KLHL34: variants seen among roughly 807,000 people sequenced by gnomAD.
KLHL34 encodes the protein kelch like family member 34, also known as kelch-like protein 34.
KLHL34 carries 24 observed loss-of-function variants against 23.8 expected under a neutral mutation model. The ratio of observed to expected loss-of-function variants is 1.01; its 90% CI spans 0.73 to 1.42. KLHL34 has a LOEUF of 1.42. Among genes scored for constraint, KLHL34 ranks in the 40% most tolerant of loss-of-function variants. The probability of loss-of-function intolerance (pLI) is 0.00; values close to 1 mark genes in which losing one functional copy is unlikely to be tolerated. For synonymous variants in KLHL34, 303 were observed against 287.9 expected, an observed-to-expected ratio of 1.05 and a Z score of -0.53; for missense variants, 652 against 595.1, an observed-to-expected ratio of 1.10 and a Z score of -0.99.
chrX:21,655,080 T>TAACCAGAGGATCCTGATTATTATGGCTAA lies in KLHL34; in HGVS notation c.*745_*773dup, dbSNP rs2092729712. On this transcript the variant is annotated 3_prime_UTR_variant, in exon 1 of 1. Coordinates refer to ENST00000379499, the MANE Select transcript of KLHL34 (RefSeq NM_153270.3). ...TTTTGTTTTGGTTAGACATTCCACT[T>TAACCAGAGGATCCTGATTATTATGGCTAA]AACCAGAGGATCCTGATTATTATGG... 1.8e-5 allele frequency: 2 copies of TAACCAGAGGATCCTGATTATTATGGCTAA among 111,746 alleles called. No homozygotes were observed. The highest frequency in any genetic ancestry group is 3.8e-5 in the Non-Finnish European group (2 of 53,238). The allele number at this position is 111,746 out of a possible 1,213,427, so 9.2% of individuals were successfully genotyped here.
Position 21,656,128 on chromosome X carries a change from A to G in KLHL34, c.1661T>C (p.Leu554Ser). 1 of 1,177,745 alleles carries G rather than the reference A, an allele frequency of 8.5e-7. No individual in the cohort carries two copies. The highest frequency in any genetic ancestry group is 1.1e-6 in the Non-Finnish European group (1 of 877,336). The change falls in exon 1 of 1, where the codon TTG becomes TCG. Residue 554 changes from leucine (L) to serine (S), a missense_variant. By Grantham distance (145) the Leu-to-Ser change is moderately radical. Transcript: ENST00000379499. The stretch of plus-strand genomic sequence containing the variant: ...GAAGCGGTCGTAGGGCAGCGGCCGC[A>G]ACCGAGTCCACTGGTCGGCGCCGGG... Reference protein sequence around the residue: ...YDPGADQWTRLRPLPYDRFCY... With the variant: ...YDPGADQWTRSRPLPYDRFCY...
Position 21,657,354 on chromosome X carries a change from G to A in KLHL34, c.435C>T (p.His145=). Residue 145 remains histidine, a synonymous_variant, in exon 1 of 1, where the codon CAC becomes CAT. Coordinates refer to ENST00000379499, the MANE Select transcript of KLHL34 (RefSeq NM_153270.3). ...ANVAARFGLA[H]TLDAAERCIV... The stretch of plus-strand genomic sequence containing the variant: ...TGCAGCGCTCGGCCGCGTCCAGCGT[G>A]TGAGCCAGGCCAAAGCGCGCTGCCA... 1.7e-6 allele frequency: 2 copies of A among 1,162,449 alleles called. No homozygotes were observed. Among genetic ancestry groups the A allele is most frequent in the South Asian group, 1.9e-5 (1 of 52,273 alleles).
At position 21,656,595 on chromosome X, in the gene KLHL34, G is replaced by A. The variant is rs1183284125; in HGVS notation, c.1194C>T (p.Tyr398=). The change falls in exon 1 of 1, where the codon TAC becomes TAT. Residue 398 remains tyrosine (Y), a synonymous_variant. Transcript: ENST00000379499. The stretch of plus-strand genomic sequence containing the variant: ...CCGTCCAAGCGTGGAAGCGCGGGTC[G>A]TAACGGTGCACTTGGGCCGTGACCA... ...SRVVTAQVHR[Y]DPRFHAWTEV... 3 of 1,208,034 alleles carry A rather than the reference G, an allele frequency of 2.5e-6. No individual in the cohort carries two copies. Among genetic ancestry groups the A allele is most frequent in the Non-Finnish European group, 3.4e-6 (3 of 894,111 alleles).
rs1277025691 is a variant in KLHL34, at chrX:21,657,806, G to C, written c.-18C>G. ...TAACTCATTCTACCCAGGGCTGGAA[G>C]CAGCCTGGTGGGACCAGAGGCCTGC... On this transcript the variant is annotated 5_prime_UTR_variant, in exon 1 of 1. Transcript: ENST00000379499. 1.0e-5 allele frequency: 12 copies of C among 1,168,208 alleles called. No homozygotes were observed. The highest frequency in any genetic ancestry group is 1.3e-5 in the Non-Finnish European group (11 of 872,076).
In KLHL34 at chrX:21,657,283, G is replaced by A. The variant is rs1320387818; in HGVS notation, c.506C>T (p.Ala169Val). 3 of 1,152,235 alleles carry A rather than the reference G, an allele frequency of 2.6e-6. No individual in the cohort carries two copies. The highest frequency in any genetic ancestry group is 2.7e-5 in the Admixed American group (1 of 36,659). The allele number at this position is 1,152,235 out of a possible 1,213,427, so 95.0% of individuals were successfully genotyped here. ...QELLARGAGP[A>V]GLLELNPTSL... ...TGTAGGGTTGAGCTCCAGGAGTCCCGCGGGGCCCGCGCCCCGCGCCAGCAG... is the reference window on the plus strand; with the variant it reads ...TGTAGGGTTGAGCTCCAGGAGTCCCACGGGGCCCGCGCCCCGCGCCAGCAG... Residue 169 changes from alanine to valine, a missense_variant, in exon 1 of 1, where the codon GCG becomes GTG. Physicochemically the swap from Ala to Val is moderately conservative, Grantham distance 64. Coordinates refer to ENST00000379499, the MANE Select transcript of KLHL34 (RefSeq NM_153270.3).
At position 21,656,328 on chromosome X, in the gene KLHL34, C is replaced by G. The variant is rs2092732431; in HGVS notation, c.1461G>C (p.Glu487Asp). 8.3e-7 allele frequency: 1 copy of G among 1,197,739 alleles called. No individual in the cohort carries two copies. The highest frequency in any genetic ancestry group is 2.2e-5 in the Admixed American group (1 of 44,907). The change falls in exon 1 of 1, where the codon GAG becomes GAC. Residue 487 changes from glutamate (E) to aspartate (D), a missense_variant. Transcript: ENST00000379499. ...AGTCCCGGAGGCTGCTCGCTCCGCC[C>G]TCGCCTCTCCCTGCCTTGCCCCCCG... ...YISGGKAGRG[E>D]GGASSLRDLY...
In KLHL34 at chrX:21,655,973, CG is replaced by C; in HGVS notation, c.1815del (p.Ile605MetfsTer35). 5 of 1,211,203 alleles carry C rather than the reference CG, an allele frequency of 4.1e-6. No homozygotes were observed. Among genetic ancestry groups the C allele is most frequent in the Non-Finnish European group, 5.6e-6 (5 of 895,281 alleles). On this transcript the variant is annotated frameshift_variant, in exon 1 of 1. Transcript: ENST00000379499. LOFTEE classifies it high-confidence loss of function. ...YDLDLDRWED[I>X]GCALPWAWSG... ...CTCCAGGCCCAGGGCAACGCGCAGC[CG>C]ATGTCCTCCCAACGGTCCAGGTCGA... is the stretch of plus-strand genomic sequence containing the variant.
Position 21,656,784 on chromosome X carries a change from G to C in KLHL34, c.1005C>G (p.Asn335Lys), listed in dbSNP as rs772088780. 5.9e-6 allele frequency: 7 copies of C among 1,195,718 alleles called. No individual in the cohort carries two copies. Among genetic ancestry groups the C allele is most frequent in the Admixed American group, 2.2e-5 (1 of 44,970 alleles). Residue 335 changes from asparagine to lysine, a missense_variant, in exon 1 of 1, where the codon AAC becomes AAG. Coordinates refer to ENST00000379499, the MANE Select transcript of KLHL34 (RefSeq NM_153270.3). Reference sequence around the variant, plus strand: ...GATTGTACACATCGAAGGCCACCACGTTCTGGGTGAGCTCCCACTCCTCCT... The same window carrying C: ...GATTGTACACATCGAAGGCCACCACCTTCTGGGTGAGCTCCCACTCCTCCT... ...EEEEEWELTQNVVAFDVYNHR... is the reference protein window; with the variant it reads ...EEEEEWELTQKVVAFDVYNHR...
rs1249252555 is a variant in KLHL34 at position 21,656,428 on chromosome X, G to A, written c.1361C>T (p.Thr454Met). The A allele has an allele frequency of 1.7e-6, 2 of 1,193,593 alleles. No individual in the cohort carries two copies. Among genetic ancestry groups the A allele is most frequent in the African/African-American group, 1.7e-5 (1 of 57,314 alleles). Residue 454 changes from threonine (T) to methionine (M), a missense_variant, in exon 1 of 1, where the codon ACG becomes ATG. By Grantham distance (81) the Thr-to-Met change is moderately conservative. Transcript: ENST00000379499. The stretch of plus-strand genomic sequence containing the variant: ...AGCCCGCGGTAGTGCCCCAGCCGCC[G>A]TCCAGCGGTCCCGACGCAGGTCGTA... Reference protein sequence around the residue: ...EMYDLRRDRWTAAGALPRALH... With the variant: ...EMYDLRRDRWMAAGALPRALH...
rs761373282 is a variant in KLHL34 at position 21,656,088 on chromosome X, G to C, written c.1701C>G (p.Ala567=). Residue 567 remains alanine, a synonymous_variant, in exon 1 of 1, where the codon GCC becomes GCG. Transcript: ENST00000379499. ...LPYDRFCYGL[A]VVEETALLLG... is the part of the protein sequence containing the mutation. Reference sequence around the variant, plus strand: ...GCAGCAACGCTGTCTCCTCGACCACGGCCAGCCCATAGCAGAAGCGGTCGT... The same window carrying C: ...GCAGCAACGCTGTCTCCTCGACCACCGCCAGCCCATAGCAGAAGCGGTCGT... The C allele has an allele frequency of 9.3e-6, 11 of 1,187,099 alleles. No homozygotes were observed. In the Admixed American group the frequency reaches 2.0e-4, roughly 22 times the overall value.
In KLHL34 at chrX:21,657,501, C is replaced by A. The variant is rs1171701851; in HGVS notation, c.288G>T (p.Met96Ile). 6 of 1,210,348 alleles carry A rather than the reference C, an allele frequency of 5.0e-6. No homozygotes were observed. The highest frequency in any genetic ancestry group is 6.7e-6 in the Non-Finnish European group (6 of 895,202). ...CCTCCAGAGTGTCCTCTACAGTGTCCATGGAAAGCGACAGCCAGGCAGTGT... is the reference window on the plus strand; with the variant it reads ...CCTCCAGAGTGTCCTCTACAGTGTCAATGGAAAGCGACAGCCAGGCAGTGT... Reference protein sequence around the residue: ...FIYTAWLSLSMDTVEDTLEAA... With the variant: ...FIYTAWLSLSIDTVEDTLEAA... The change falls in exon 1 of 1, where the codon ATG (methionine) becomes ATT (isoleucine). Residue 96 changes from methionine to isoleucine, a missense_variant. Physicochemically the swap from Met to Ile is conservative, Grantham distance 10. Coordinates refer to ENST00000379499, the MANE Select transcript of KLHL34 (RefSeq NM_153270.3).
In KLHL34 at chrX:21,656,989, A is replaced by G; in HGVS notation, c.800T>C (p.Leu267Pro). 1 of 1,160,297 alleles carries G rather than the reference A, an allele frequency of 8.6e-7. No individual in the cohort carries two copies. The highest frequency in any genetic ancestry group is 1.2e-6 in the Non-Finnish European group (1 of 869,257). ...GATGCTGGTCTGCTCGCCCTGCATG[A>G]GCGGCTGGCGGGAGGGCGTCGTGTG... ...NYHTTPSRQPLMQGEQTSIRS... is the reference protein window; with the variant it reads ...NYHTTPSRQPPMQGEQTSIRS... The change falls in exon 1 of 1, where the codon CTC becomes CCC. Residue 267 changes from leucine (L) to proline (P), a missense_variant. Physicochemically the swap from Leu to Pro is moderately conservative, Grantham distance 98 (BLOSUM62 -3). Transcript: ENST00000379499.
Position 21,656,538 on chromosome X carries a change from G to A in KLHL34, c.1251C>T (p.His417=), listed in dbSNP as rs773419372. 1 of 1,198,246 alleles carries A rather than the reference G, an allele frequency of 8.3e-7. No homozygotes were observed. The highest frequency in any genetic ancestry group is 1.8e-5 in the South Asian group (1 of 55,340). ...TCTCGCCCACCGCGCCGCACCAGAA[G>A]TGGGCCCGCGCTTCCCGCATGGCGG... is the stretch of plus-strand genomic sequence containing the variant. ...EVPAMREARA[H]FWCGAVGERL... Residue 417 remains histidine (H), a synonymous_variant, in exon 1 of 1, where the codon CAC becomes CAT. Transcript: ENST00000379499.
rs994163201 is a variant in KLHL34, at chrX:21,658,087, C to A, written c.-299G>T. On this transcript the variant is annotated 5_prime_UTR_variant, in exon 1 of 1. Transcript: ENST00000379499. ...GGCTTGGTTTCCACGACTGCCGAGGCTTCCAGCGCGTTGCCCGAAGTCCCC... is the reference window on the plus strand; with the variant it reads ...GGCTTGGTTTCCACGACTGCCGAGGATTCCAGCGCGTTGCCCGAAGTCCCC... The A allele has an allele frequency of 1.6e-5, 4 of 245,083 alleles. No homozygotes were observed. Among genetic ancestry groups the A allele is most frequent in the Non-Finnish European group, 3.1e-5 (4 of 129,970 alleles). 20.2% of individuals were successfully genotyped at this position (245,083 alleles called of 1,213,427 possible).
At position 21,657,066 on chromosome X, in the gene KLHL34, G is replaced by A; in HGVS notation, c.723C>T (p.Gly241=). 1 of 1,194,882 alleles carries A rather than the reference G, an allele frequency of 8.4e-7. No individual in the cohort carries two copies. The highest frequency in any genetic ancestry group is 3.0e-5 in the East Asian group (1 of 33,497). ...DVLRRVYSGS[G]LVLPARVKGL... ...CCTTGACCCGGGCGGGCAGCACGAG[G>A]CCAGAGCCCGAGTACACGCGCCGCA... The change falls in exon 1 of 1, where the codon GGC becomes GGT. Residue 241 remains glycine (G), a synonymous_variant. Transcript: ENST00000379499.
At position 21,655,582 on chromosome X, in the gene KLHL34, C is replaced by G. The variant is rs2092730671; in HGVS notation, c.*272G>C. On this transcript the variant is annotated 3_prime_UTR_variant, in exon 1 of 1. Transcript: ENST00000379499. ...ATATTTTATTTGTGAAAGTCCTTCTCTAGCCTTGCGTGAGCCTTTCTAAAA... is the reference window on the plus strand; with the variant it reads ...ATATTTTATTTGTGAAAGTCCTTCTGTAGCCTTGCGTGAGCCTTTCTAAAA... 4.0e-6 allele frequency: 1 copy of G among 250,208 alleles called. No individual in the cohort carries two copies. Among genetic ancestry groups the G allele is most frequent in the Admixed American group, 6.6e-5 (1 of 15,172 alleles). The allele number at this position is 250,208 out of a possible 1,213,427, so 20.6% of individuals were successfully genotyped here.
Position 21,656,870 on chromosome X carries a change from C to G in KLHL34, c.919G>C (p.Gly307Arg). The change falls in exon 1 of 1, where the codon GGC (glycine) becomes CGC (arginine). Residue 307 changes from glycine (G) to arginine (R), a missense_variant. Gly to Arg is a moderately radical substitution (Grantham distance 125). Transcript: ENST00000379499. ...TCGGGCTCTGGGGCGGCGACCTGGC[C>G]CCTAGCTGCCCTCTGCGGGGCCGCG... ...EVAAPQRAAR[G>R]QVAAPEPEEE... is the part of the protein sequence containing the mutation. 8.5e-7 allele frequency: 1 copy of G among 1,177,705 alleles called. No individual in the cohort carries two copies. Among genetic ancestry groups the G allele is most frequent in the Non-Finnish European group, 1.1e-6 (1 of 878,775 alleles).
rs146507894 is a variant in KLHL34 at position 21,656,897 on chromosome X, C to T, written c.892G>A (p.Val298Ile). The T allele has an allele frequency of 5.5e-5, 64 of 1,168,771 alleles. No homozygotes were observed. The Middle Eastern group carries it at 2.4e-3, about 44-fold the overall frequency. Reference protein sequence around the residue: ...RRAREVVIEEVAAPQRAARGQ... With the variant: ...RRAREVVIEEIAAPQRAARGQ... Reference sequence around the variant, plus strand: ...CTAGCTGCCCTCTGCGGGGCCGCGACCTCCTCAATCACCACCTCCCGTGCC... The same window carrying T: ...CTAGCTGCCCTCTGCGGGGCCGCGATCTCCTCAATCACCACCTCCCGTGCC... The change falls in exon 1 of 1, where the codon GTC becomes ATC. Residue 298 changes from valine to isoleucine, a missense_variant. Physicochemically the swap from Val to Ile is conservative, Grantham distance 29. Coordinates refer to ENST00000379499, the MANE Select transcript of KLHL34 (RefSeq NM_153270.3).
Position 21,656,293 on chromosome X carries a change from A to T in KLHL34, c.1496T>A (p.Leu499Gln). 8.3e-7 allele frequency: 1 copy of T among 1,201,058 alleles called. No individual in the cohort carries two copies. Among genetic ancestry groups the T allele is most frequent in the Non-Finnish European group, 1.1e-6 (1 of 890,326 alleles). Residue 499 changes from leucine to glutamine, a missense_variant, in exon 1 of 1, where the codon CTG becomes CAG. Transcript: ENST00000379499. Reference sequence around the variant, plus strand: ...GCTCCAAACCTGCTCCTCAGGGCCCAGGACGTATAAGTCCCGGAGGCTGCT... The same window carrying T: ...GCTCCAAACCTGCTCCTCAGGGCCCTGGACGTATAAGTCCCGGAGGCTGCT... Reference protein sequence around the residue: ...GASSLRDLYVLGPEEQVWSKK... With the variant: ...GASSLRDLYVQGPEEQVWSKK...
Sources: gnomAD v4.1 joint callset for allele counts on GRCh38, gnomAD v4.1.1 for gene constraint, MANE v1.5 for transcripts, NCBI Gene and HGNC (gene_info 2026-07-23, HGNC 2026-07-21) for gene names.